The following SH2D4B variants were observed in gnomAD, a reference collection of about 807,000 sequenced individuals.
The protein encoded by SH2D4B is SH2 domain containing 4B.
Under a neutral mutation model 61.5 loss-of-function variants are expected in SH2D4B, and 45 were observed. That is an observed-to-expected ratio of 0.73 (90% CI 0.58 to 0.94). The LOEUF is 0.94. Among genes scored for constraint, SH2D4B ranks in the 40% least tolerant of loss-of-function variants. The pLI, the probability that SH2D4B is intolerant of heterozygous loss-of-function variation, is 0.00. For missense variants in SH2D4B, 572 were observed against 574.2 expected (o/e 1.00, Z 0.04); for synonymous variants, 224 against 220.4 (o/e 1.02, Z -0.14).
In SH2D4B at chr10:80,538,919, C is replaced by A. The variant is rs916662060; in HGVS notation, c.184+404C>A. Among the ~76,000 whole-genome samples, 8 of 151,864 alleles carry A rather than the reference C, an allele frequency of 5.3e-5. No individual in the cohort carries two copies. The East Asian group carries it at 1.4e-3, about 26-fold the overall frequency. ...CAGAGTGTGGTGTAGATATGCAGTT[C>A]CTTTCTCCTTGGCATGCGTGGCACA... On this transcript the variant is annotated intron_variant, in intron 1 of 7. Transcript: ENST00000646907. This position sits in a 1 kb window ranked among gnomAD's most constrained non-coding sequence, Gnocchi z 4.8.
chr10:80,540,756 A>G, intron 1 of SH2D4B: 2 of 1,445,562 alleles, frequency 1.4e-6, no homozygotes, highest in Non-Finnish European at 1.9e-6. Flanking sequence ...TGTCCTGGAG[A>G]CGGTGGGTAG....
chr10:80,630,644 C>T (rs939296085), intron 6 of SH2D4B, among the ~76,000 whole-genome samples: 1 of 152,188 alleles, frequency 6.6e-6, no homozygotes, highest in Non-Finnish European at 1.5e-5. Flanking sequence ...CCCAGAGAGG[C>T]ACATTTTTCT....
At chr10:80,546,763 A>G (rs1473111319) in intron 1 of SH2D4B, among the ~76,000 whole-genome samples, 4 of 151,240 alleles carry the variant, frequency 2.6e-5, no homozygotes, top group Non-Finnish European at 5.9e-5. Flanking sequence ...TCCTGACCTC[A>G]TGATCCGTCC....
At chr10:80,558,513 C>T (rs1841866521) in intron 1 of SH2D4B, among the ~76,000 whole-genome samples, 1 of 152,134 alleles carries the variant, frequency 6.6e-6, no homozygotes. Context: ...AAGAGTCTCA[C>T]TTTGTCACCC....
chr10:80,574,418 G>C (rs554624051), intron 3 of SH2D4B, among the ~76,000 whole-genome samples: 1 of 152,332 alleles, frequency 6.6e-6, no homozygotes, highest in East Asian at 1.9e-4. Context: ...TTACAGGCAT[G>C]AGCCACTACA....
chr10:80,640,876 G>T (rs1840279855), intron 7 of SH2D4B, among the ~76,000 whole-genome samples: 1 of 152,138 alleles, frequency 6.6e-6, no homozygotes, highest in African/African-American at 2.4e-5. Context: ...AGGCGCTCTG[G>T]TTTTTAGAAT....
At chr10:80,569,553 G>A (rs575552127) in intron 1 of SH2D4B, among the ~76,000 whole-genome samples, 3 of 143,600 alleles carry the variant, frequency 2.1e-5, no homozygotes, top group South Asian at 5.0e-4. Flanking sequence ...GAGGCGGGGG[G>A]GTTGAGATCA....
chr10:80,557,649 G>C (rs891626456), intron 1 of SH2D4B, among the ~76,000 whole-genome samples: 4 of 152,078 alleles, frequency 2.6e-5, no homozygotes, highest in African/African-American at 9.7e-5. Flanking sequence ...ATATAAAGTT[G>C]CTCATAAAAT....
chr10:80,600,881 C>G (rs17107283), intron 4 of SH2D4B, among the ~76,000 whole-genome samples: 4,793 of 152,172 alleles, frequency 0.031, 336 homozygotes, highest in East Asian at 0.3. Flanking sequence ...AGTCACGGTC[C>G]TTGTAGGGCA....
chr10:80,619,616 G>A (rs1475529713), intron 6 of SH2D4B, among the ~76,000 whole-genome samples: 1 of 152,226 alleles, frequency 6.6e-6, no homozygotes, highest in Non-Finnish European at 1.5e-5. Context: ...GCCAAGGCCT[G>A]GCTGCAGCAG....
At position 80,605,251 on chromosome 10, in the gene SH2D4B, G is replaced by A. The variant is rs551388710; in HGVS notation, c.860+1456G>A. ...CCCTCATTTAACTAGTTTTTAGAAG[G>A]CTTTTCATATCAATTCTTATATTAT... On this transcript the variant is annotated intron_variant, in intron 5 of 7. Coordinates refer to ENST00000646907, the MANE Select transcript of SH2D4B (RefSeq NM_001388272.1). Among the ~76,000 whole-genome samples the A allele has an allele frequency of 2.1e-3, 321 of 150,884 alleles. 2 individuals are homozygous for A. Among genetic ancestry groups the A allele is most frequent in the African/African-American group, 7.6e-3 (311 of 41,012 alleles).
At chr10:80,626,266 G>A (rs1049899383) in intron 6 of SH2D4B, among the ~76,000 whole-genome samples, 11 of 151,536 alleles carry the variant, frequency 7.3e-5, no homozygotes, top group African/African-American at 1.2e-4. Context: ...AGGTAGTTTC[G>A]TTAAACACAG....
intron 5 of SH2D4B, among the ~76,000 whole-genome samples, chr10:80,607,656 A>G (rs183089293): frequency 3.3e-5 from 5 of 152,340 alleles, no homozygotes; most frequent in Non-Finnish European, 7.4e-5. Context: ...CTGGGCTTAT[A>G]AGGAGGTACG....
chr10:80,554,174 T>A (rs1476917587), intron 1 of SH2D4B, among the ~76,000 whole-genome samples: 1 of 152,226 alleles, frequency 6.6e-6, no homozygotes, highest in Non-Finnish European at 1.5e-5. Context: ...ACAAAAGGCA[T>A]CTGTGTTAAG....
At chr10:80,544,252 T>C (rs1335992809) in intron 1 of SH2D4B, among the ~76,000 whole-genome samples, 2 of 152,048 alleles carry the variant, frequency 1.3e-5, no homozygotes, top group Non-Finnish European at 2.9e-5. Flanking sequence ...CCTTAAGAGC[T>C]GTAACAGTCA....
At chr10:80,606,578 C>T (rs963707347) in intron 5 of SH2D4B, among the ~76,000 whole-genome samples, 2 of 152,166 alleles carry the variant, frequency 1.3e-5, no homozygotes, top group Non-Finnish European at 2.9e-5. Flanking sequence ...GAACTCCTGA[C>T]CTCAGGTGAT....
intron 1 of SH2D4B, among the ~76,000 whole-genome samples, chr10:80,548,525 G>A (rs964998534): frequency 2.6e-5 from 4 of 152,220 alleles, no homozygotes; most frequent in African/African-American, 9.6e-5. Context: ...CATGGTGGAT[G>A]GATCCAGGCC....
chr10:80,622,440 A>G (rs1235092761), intron 6 of SH2D4B, among the ~76,000 whole-genome samples: 3 of 152,212 alleles, frequency 2.0e-5, no homozygotes, highest in African/African-American at 7.2e-5. Context: ...CCAGGAAAGT[A>G]TTTCTAACTC....
intron 1 of SH2D4B, among the ~76,000 whole-genome samples, chr10:80,556,544 A>G (rs1192706204): frequency 6.6e-6 from 1 of 152,180 alleles, no homozygotes; most frequent in Non-Finnish European, 1.5e-5. Context: ...GAGTTTTTCA[A>G]TCCATGAAAA....
Sources: gnomAD v4.1 joint callset for allele counts (sites outside exome capture counted in the v4.1 genomes callset) on GRCh38, gnomAD v4.1.1 for gene constraint, Gnocchi (gnomAD v3.1) non-coding constraint, MANE v1.5 for transcripts, NCBI Gene and HGNC (gene_info 2026-07-23, HGNC 2026-07-21) for gene names.